The following ITPR2 variants were observed in gnomAD, a reference collection of about 807,000 sequenced individuals.
ITPR2 encodes the protein inositol 1,4,5-trisphosphate receptor type 2, also known as inositol 1,4,5-trisphosphate-gated calcium channel ITPR2.
Under a neutral mutation model 317.1 loss-of-function variants are expected in ITPR2, and 207 were observed. That is an observed-to-expected ratio of 0.65 (90% CI 0.58 to 0.73). The LOEUF is 0.73. Among genes scored for constraint, ITPR2 ranks in the 30% least tolerant of loss-of-function variants. The probability of loss-of-function intolerance (pLI) is 0.00; values close to 1 mark genes in which losing one functional copy is unlikely to be tolerated. For synonymous variants in ITPR2, 1,156 were observed against 1,149.1 expected (o/e 1.01, Z -0.12); for missense variants, 2,613 against 3,284.0 (o/e 0.80, Z 4.99).
rs532144711 is a variant in ITPR2 at position 26,676,452 on chromosome 12, G to T, written c.1409+5422C>A. 3.3e-5 allele frequency among the ~76,000 whole-genome samples: 5 copies of T among 151,298 alleles called. 1 individual carries two copies. In the South Asian group the frequency reaches 8.4e-4, roughly 25 times the overall value. The stretch of plus-strand genomic sequence containing the variant: ...AGATCACGCCACTGCATTCCAGCCT[G>T]GGTGACAGAGTGAGACTCTGTCTCT... On this transcript the variant is annotated intron_variant, in intron 13 of 56. Coordinates refer to ENST00000381340, the MANE Select transcript of ITPR2 (RefSeq NM_002223.4).
intron 9 of ITPR2, among the ~76,000 whole-genome samples, chr12:26,700,443 C>A (rs1287528309): frequency 6.6e-6 from 1 of 152,214 alleles, no homozygotes; most frequent in African/African-American, 2.4e-5. Flanking sequence ...TACAATTATA[C>A]TATAAGACAA....
chr12:26,537,287 C>T (rs1234958624), intron 37 of ITPR2, among the ~76,000 whole-genome samples: 2 of 152,154 alleles, frequency 1.3e-5, no homozygotes, highest in African/African-American at 2.4e-5. Flanking sequence ...AGAGGTCTTG[C>T]CTAACTCAGC....
intron 13 of ITPR2, among the ~76,000 whole-genome samples, chr12:26,676,247 C>G (rs1947904490): frequency 6.6e-6 from 1 of 152,052 alleles, no homozygotes; most frequent in Non-Finnish European, 1.5e-5. Flanking sequence ...GAGGCTAAGG[C>G]AGGCAGATTA....
intron 37 of ITPR2, among the ~76,000 whole-genome samples, chr12:26,546,130 TC>T (rs1239874938): frequency 6.6e-6 from 1 of 152,238 alleles, no homozygotes; most frequent in Non-Finnish European, 1.5e-5. Flanking sequence ...TTTTCCTTTT[TC>T]TTTTTTGTTC....
chr12:26,432,110 A>G (rs1369547383), intron 48 of ITPR2, among the ~76,000 whole-genome samples: 1 of 152,210 alleles, frequency 6.6e-6, no homozygotes. Flanking sequence ...AAAATGATCA[A>G]TATCAGGAAA....
intron 26 of ITPR2, among the ~76,000 whole-genome samples, chr12:26,617,090 G>C (rs1946388987): frequency 6.6e-6 from 1 of 152,150 alleles, no homozygotes; most frequent in South Asian, 2.1e-4. Context: ...GGAGTCAGAA[G>C]TTATAAACAA....
At chr12:26,813,864 A>G (rs1394432608) in intron 1 of ITPR2, among the ~76,000 whole-genome samples, 1 of 152,218 alleles carries the variant, frequency 6.6e-6, no homozygotes, top group Non-Finnish European at 1.5e-5. Context: ...CCTGCTTGTA[A>G]GGACTTAGGA....
intron 37 of ITPR2, among the ~76,000 whole-genome samples, chr12:26,519,416 A>G (rs563103389): frequency 1.3e-5 from 2 of 152,330 alleles, no homozygotes; most frequent in South Asian, 4.1e-4. Flanking sequence ...TAAAACAGCA[A>G]AAGTCCTATG....
chr12:26,714,233 AC>A (rs771035510), intron 8 of ITPR2, among the ~76,000 whole-genome samples: 17 of 152,136 alleles, frequency 1.1e-4, no homozygotes, highest in East Asian at 7.7e-4. Flanking sequence ...TATTATCCCT[AC>A]TTTGATTATG....
chr12:26,335,675 G>A lies in ITPR2; in HGVS notation c.*3722C>T, dbSNP rs1360450278. 6.6e-6 allele frequency: 1 copy of A among 152,194 alleles called. No homozygotes were observed. The highest frequency in any genetic ancestry group is 1.9e-4 in the East Asian group (1 of 5,194). The allele number at this position is 152,194 out of a possible 1,614,324, so 9.4% of individuals were successfully genotyped here. On this transcript the variant is annotated 3_prime_UTR_variant, in exon 57 of 57. Coordinates refer to ENST00000381340, the MANE Select transcript of ITPR2 (RefSeq NM_002223.4). ...ATTATATCAGAAACAGCAGCAGTGA[G>A]TGACTAGAGGGCCTCTACTGGCCTC...
intron 32 of ITPR2, among the ~76,000 whole-genome samples, chr12:26,587,725 C>T (rs1200420105): frequency 6.7e-6 from 1 of 148,362 alleles, no homozygotes. Context: ...TCTCTTTCCC[C>T]TTCATCCCTT....
intron 26 of ITPR2, among the ~76,000 whole-genome samples, chr12:26,614,790 TCAGGGGTC>T (rs941585082): frequency 1.3e-5 from 2 of 152,160 alleles, no homozygotes; most frequent in African/African-American, 4.8e-5. Flanking sequence ...TGGCAGGGAC[TCAGGGGTC>T]CAGAAGGAGA....
intron 13 of ITPR2, among the ~76,000 whole-genome samples, chr12:26,675,909 G>A (rs948454307): frequency 6.6e-5 from 10 of 152,222 alleles, no homozygotes; most frequent in African/African-American, 2.2e-4. Flanking sequence ...TGTAATCCCA[G>A]CACTTTGGGA....
At chr12:26,611,529 A>G (rs1237943993) in intron 26 of ITPR2, among the ~76,000 whole-genome samples, 1 of 152,146 alleles carries the variant, frequency 6.6e-6, no homozygotes, top group East Asian at 1.9e-4. Flanking sequence ...GGGCCACCGT[A>G]CTCCAGCTGG....
chr12:26,399,508 A>G (rs1940102502), intron 53 of ITPR2, among the ~76,000 whole-genome samples: 1 of 152,222 alleles, frequency 6.6e-6, no homozygotes, highest in South Asian at 2.1e-4. Flanking sequence ...CCTGATGAAC[A>G]GTGTTAAAAT....
At chr12:26,492,309 G>T (rs1243056226) in intron 39 of ITPR2, among the ~76,000 whole-genome samples, 1 of 152,082 alleles carries the variant, frequency 6.6e-6, no homozygotes, top group Non-Finnish European at 1.5e-5. Flanking sequence ...AATGGGAGCT[G>T]GCTTATTCCC....
At chr12:26,588,611 A>G (rs1373644801) in intron 32 of ITPR2, among the ~76,000 whole-genome samples, 4 of 152,190 alleles carry the variant, frequency 2.6e-5, no homozygotes, top group African/African-American at 9.7e-5. Flanking sequence ...CTTTACTCCA[A>G]CCTCTTACAT....
At chr12:26,600,945 C>T (rs1945986090) in intron 28 of ITPR2, among the ~76,000 whole-genome samples, 2 of 151,862 alleles carry the variant, frequency 1.3e-5, no homozygotes, top group Non-Finnish European at 2.9e-5. Context: ...TTTGCTTTCT[C>T]TTCTATTTTC....
intron 34 of ITPR2, among the ~76,000 whole-genome samples, chr12:26,563,134 C>T (rs1944865779): frequency 6.6e-6 from 1 of 152,116 alleles, no homozygotes; most frequent in Non-Finnish European, 1.5e-5. Flanking sequence ...GCAGTTTTTA[C>T]CTGGAGGACA....
Sources: allele counts gnomAD v4.1 joint callset (sites outside exome capture counted in the v4.1 genomes callset), GRCh38; gene constraint gnomAD v4.1.1; transcripts MANE v1.5; gene names NCBI Gene and HGNC (gene_info 2026-07-23, HGNC 2026-07-21).